RBFOX3: variants seen among roughly 807,000 people sequenced by gnomAD.
The protein encoded by RBFOX3 is RNA binding protein fox-1 homolog 3.
A neutral mutation model predicts 48.7 loss-of-function variants in RBFOX3; 17 were observed. The ratio of observed to expected loss-of-function variants is 0.35; its 90% CI spans 0.24 to 0.52. The LOEUF (loss-of-function observed/expected upper bound fraction) is 0.52, where lower values mean the gene tolerates loss of function less well. Ranked by LOEUF, RBFOX3 falls within the 20% of genes least tolerant of loss-of-function variation. RBFOX3 has a pLI of 0.94. For missense variants in RBFOX3, 382 were observed against 497.5 expected (o/e 0.77, Z 2.21); for synonymous variants, 212 against 209.5 (o/e 1.01, Z -0.10).
chr17:79,346,882 T>C (rs2083014730), intron 2 of RBFOX3, among the ~76,000 whole-genome samples: 1 of 152,246 alleles, frequency 6.6e-6, no homozygotes, highest in Non-Finnish European at 1.5e-5. Flanking sequence ...GCTGCTGGTA[T>C]GTAGATAAAA....
intron 4 of RBFOX3, among the ~76,000 whole-genome samples, chr17:79,221,563 A>G (rs2059732959): frequency 6.6e-6 from 1 of 152,132 alleles, no homozygotes; most frequent in South Asian, 2.1e-4. Context: ...CCTTCCCTGG[A>G]GGGTAACTTG....
intron 4 of RBFOX3, among the ~76,000 whole-genome samples, chr17:79,200,902 T>C (rs1255036229): frequency 6.6e-6 from 1 of 151,964 alleles, no homozygotes; most frequent in Non-Finnish European, 1.5e-5. Context: ...TCCTGCGTCC[T>C]CGTCTCTGTG....
chr17:79,126,056 C>T (rs1262651300), intron 4 of RBFOX3, among the ~76,000 whole-genome samples: 1 of 152,240 alleles, frequency 6.6e-6, no homozygotes, highest in East Asian at 1.9e-4. Flanking sequence ...AGCTGAGTTT[C>T]ACAGAGGGGA....
chr17:79,478,274 T>C (rs2078245635), intron 2 of RBFOX3, among the ~76,000 whole-genome samples: 1 of 152,194 alleles, frequency 6.6e-6, no homozygotes, highest in Non-Finnish European at 1.5e-5. Context: ...TGGGAAGTCA[T>C]GTGTTGCCGC....
chr17:79,327,984 G>A (rs758782817), intron 2 of RBFOX3, among the ~76,000 whole-genome samples: 3 of 152,158 alleles, frequency 2.0e-5, no homozygotes, highest in African/African-American at 4.8e-5. Context: ...GTGAGCCACC[G>A]CACCTGGCCT....
chr17:79,335,963 G>C (rs77141030), intron 2 of RBFOX3, among the ~76,000 whole-genome samples: 2,024 of 152,314 alleles, frequency 0.013, 39 homozygotes, highest in African/African-American at 0.046. Flanking sequence ...AAAACTCGCT[G>C]TTTCTCACAC....
In RBFOX3 at chr17:79,305,144, C is replaced by T. The variant is rs534277661; in HGVS notation, c.-74+2580G>A. Among the ~76,000 whole-genome samples, 140 of 152,204 alleles carry T rather than the reference C, an allele frequency of 9.2e-4. 1 individual carries two copies. Among genetic ancestry groups the T allele is most frequent in the African/African-American group, 3.3e-3 (136 of 41,516 alleles). On this transcript the variant is annotated intron_variant, in intron 3 of 14. Coordinates refer to ENST00000693108, the MANE Select transcript of RBFOX3 (RefSeq NM_001350451.2). ...ATTTTTAGTCAATCATCAACCCCTCCGATGGTGGCCCCAGGTGGCTCAGTT... is the reference window on the plus strand; with the variant it reads ...ATTTTTAGTCAATCATCAACCCCTCTGATGGTGGCCCCAGGTGGCTCAGTT...
At chr17:79,196,185 C>T (rs1019520081) in intron 4 of RBFOX3, among the ~76,000 whole-genome samples, 1 of 152,178 alleles carries the variant, frequency 6.6e-6, no homozygotes. Context: ...ACTGGAGAAA[C>T]AGCAGCAGAG....
chr17:79,592,809 C>T (rs1350001715), intron 1 of RBFOX3, among the ~76,000 whole-genome samples: 5 of 152,306 alleles, frequency 3.3e-5, no homozygotes, highest in Middle Eastern at 3.4e-3. Flanking sequence ...GTACAGCAGT[C>T]CTGGCGCATC....
chr17:79,379,488 T>C (rs1199821527), intron 2 of RBFOX3, among the ~76,000 whole-genome samples: 2 of 152,196 alleles, frequency 1.3e-5, no homozygotes, highest in East Asian at 3.8e-4. Context: ...CCTTTCTCAA[T>C]GTCCTGGATT....
chr17:79,197,139 C>T (rs1015125242), intron 4 of RBFOX3, among the ~76,000 whole-genome samples: 1 of 152,010 alleles, frequency 6.6e-6, no homozygotes, highest in African/African-American at 2.4e-5. Context: ...AGGAGGTGCA[C>T]CAGTTCCTGT....
At chr17:79,118,970 T>A (rs2034909451) in intron 4 of RBFOX3, among the ~76,000 whole-genome samples, 1 of 138,042 alleles carries the variant, frequency 7.2e-6, no homozygotes, top group Admixed American at 7.4e-5. Flanking sequence ...AGGAAACCCC[T>A]GTCTCAAAAA....
intron 1 of RBFOX3, among the ~76,000 whole-genome samples, chr17:79,525,622 G>A (rs2086690448): frequency 6.6e-6 from 1 of 152,152 alleles, no homozygotes. Context: ...TCAAATCAAA[G>A]CTATTAGGCT....
At chr17:79,191,144 G>A (rs1048091732) in intron 4 of RBFOX3, among the ~76,000 whole-genome samples, 1 of 152,180 alleles carries the variant, frequency 6.6e-6, no homozygotes, top group African/African-American at 2.4e-5. Flanking sequence ...AAGTGGCTGG[G>A]TGCTCCCATT....
chr17:79,342,680 G>A (rs930595774), intron 2 of RBFOX3, among the ~76,000 whole-genome samples: 1 of 152,232 alleles, frequency 6.6e-6, no homozygotes, highest in African/African-American at 2.4e-5. Context: ...GCTTTGTGCG[G>A]AAAGGCAGAG....
intron 1 of RBFOX3, among the ~76,000 whole-genome samples, chr17:79,550,210 G>C (rs1196034516): frequency 6.6e-6 from 1 of 152,182 alleles, no homozygotes; most frequent in Non-Finnish European, 1.5e-5. Flanking sequence ...AAGAGGGCCC[G>C]AGGGCATCCC....
chr17:79,505,244 C>T (rs1223515894), intron 1 of RBFOX3, among the ~76,000 whole-genome samples: 2 of 152,172 alleles, frequency 1.3e-5, no homozygotes, highest in Admixed American at 6.5e-5. Context: ...CCCGCCCAGG[C>T]CCACCACACC....
intron 2 of RBFOX3, among the ~76,000 whole-genome samples, chr17:79,452,006 G>A (rs1301002190): frequency 6.6e-6 from 1 of 152,190 alleles, no homozygotes; most frequent in Non-Finnish European, 1.5e-5. Flanking sequence ...GTCCTAGAGA[G>A]CCCAGAGGGC....
At chr17:79,284,297 G>A (rs1163480508) in intron 3 of RBFOX3, among the ~76,000 whole-genome samples, 1 of 152,026 alleles carries the variant, frequency 6.6e-6, no homozygotes, top group Non-Finnish European at 1.5e-5. Context: ...TGAACCACTT[G>A]GGGTTCAGAA....
Sources: allele counts gnomAD v4.1 joint callset (sites outside exome capture counted in the v4.1 genomes callset), GRCh38; gene constraint gnomAD v4.1.1; transcripts MANE v1.5; gene names NCBI Gene and HGNC (gene_info 2026-07-23, HGNC 2026-07-21).